The following HOOK2 variants were observed in gnomAD, a reference collection of about 807,000 sequenced individuals.
HOOK2 encodes the protein protein Hook homolog 2.
In HOOK2, 108 loss-of-function variants were observed where a neutral mutation model predicts 111.9. The observed-to-expected ratio is 0.96, with a 90% CI of 0.83 to 1.13. The LOEUF (loss-of-function observed/expected upper bound fraction) is 1.13. Among genes scored for constraint, HOOK2 ranks in the 50% most tolerant of loss-of-function variants. The pLI, the probability that HOOK2 is intolerant of heterozygous loss-of-function variation, is 0.00. For synonymous variants in HOOK2, 405 were observed against 394.3 expected (o/e 1.03, Z -0.32); for missense variants, 978 against 951.3 (o/e 1.03, Z -0.37).
chr19:12,791,515 G>T lies in HOOK2; in HGVS notation n.42-17290C>A. The T allele has an allele frequency of 2.3e-6, 1 of 433,940 alleles. No individual in the cohort carries two copies. Among genetic ancestry groups the T allele is most frequent in the South Asian group, 3.9e-5 (1 of 25,438 alleles). 26.9% of individuals were successfully genotyped at this position (433,940 alleles called of 1,614,324 possible). On this transcript the variant is annotated intron_variant and non_coding_transcript_variant, in intron 3 of 3. Transcript: ENST00000589765. This position sits in a 1 kb window ranked among gnomAD's most constrained non-coding sequence, Gnocchi z 7.0. Reference sequence around the variant, plus strand: ...CCTTGAGAGCGGCCAGGCCAGCCTCGGAGCCAGCAGGGAGCTGGGAGCTGG... The same window carrying T: ...CCTTGAGAGCGGCCAGGCCAGCCTCTGAGCCAGCAGGGAGCTGGGAGCTGG...
At position 12,775,498 on chromosome 19, in the gene HOOK2, AGCCTCC is replaced by A. The variant is rs912502421; in HGVS notation, c.-55_-50del. On this transcript the variant is annotated 5_prime_UTR_variant, in exon 1 of 23. Coordinates refer to ENST00000397668, the MANE Select transcript of HOOK2 (RefSeq NM_013312.3). Reference sequence around the variant, plus strand: ...GGCCACGGAGCCCCGGCGCCGCAGCAGCCTCCGGGTCCGCCACCAGCGAGCGCCCGC... The same window carrying A: ...GGCCACGGAGCCCCGGCGCCGCAGCAGGGTCCGCCACCAGCGAGCGCCCGC... 1.6e-5 allele frequency: 26 copies of A among 1,584,546 alleles called. No homozygotes were observed. The highest frequency in any genetic ancestry group is 2.2e-5 in the Non-Finnish European group (26 of 1,168,254).
upstream of HOOK2, among the ~76,000 whole-genome samples, chr19:12,780,984 T>A (rs563089949): frequency 2.5e-3 from 330 of 132,824 alleles, 1 homozygote; most frequent in African/African-American, 8.4e-3. Flanking sequence ...TCTCAAAAAA[T>A]AATAATAATA....
chr19:12,776,113 G>C (rs1311579385), upstream of HOOK2, among the ~76,000 whole-genome samples: 1 of 150,008 alleles, frequency 6.7e-6, no homozygotes, highest in Non-Finnish European at 1.5e-5. Context: ...TCCTGACCTC[G>C]TGATCCGCCC....
At chr19:12,785,536 C>T (rs779126284) in intron 3 of HOOK2, among the ~76,000 whole-genome samples, 6 of 152,090 alleles carry the variant, frequency 3.9e-5, no homozygotes, top group Non-Finnish European at 8.8e-5. Flanking sequence ...ACAACCTACA[C>T]GTACATACAT....
chr19:12,779,709 C>G (rs1017335924), upstream of HOOK2, among the ~76,000 whole-genome samples: 1 of 151,076 alleles, frequency 6.6e-6, no homozygotes, highest in African/African-American at 2.4e-5. Context: ...TGTGTGTACA[C>G]GGGCATGTGT....
Position 12,769,958 on chromosome 19 carries a change from C to CGGCGTGG in HOOK2, c.1020_1026dup (p.Glu343ProfsTer11), listed in dbSNP as rs1324791970. 6.4e-7 allele frequency: 1 copy of CGGCGTGG among 1,552,836 alleles called. No homozygotes were observed. Among genetic ancestry groups the CGGCGTGG allele is most frequent in the East Asian group, 2.4e-5 (1 of 41,274 alleles). The stretch of plus-strand genomic sequence containing the variant: ...TCATCCTCCAGTTGTCGCGTGCGCT[C>CGGCGTGG]GGCGTGGCCGGCGTTGCGTTCCTCC... On this transcript the variant is annotated frameshift_variant, in exon 11 of 23. Transcript: ENST00000397668. LOFTEE classifies it high-confidence loss of function.
intron 3 of HOOK2, among the ~76,000 whole-genome samples, chr19:12,788,246 T>TTCC (rs1468444619): frequency 6.6e-6 from 1 of 152,148 alleles, no homozygotes; most frequent in Non-Finnish European, 1.5e-5. Context: ...ACCAGACAAG[T>TTCC]TCCTTAATCT....
chr19:12,788,979 T>G (rs1968680591), intron 3 of HOOK2, among the ~76,000 whole-genome samples: 2 of 151,970 alleles, frequency 1.3e-5, no homozygotes, highest in African/African-American at 4.8e-5. Context: ...GCAAGGCCAC[T>G]GCACTGCTGG....
chr19:12,766,223 A>C lies in HOOK2; in HGVS notation c.1391T>G (p.Leu464Arg). ...PAELRETLLR[L>R]QLENKRLCRQ... The stretch of plus-strand genomic sequence containing the variant: ...GCACAGCCGCTTGTTCTCCAGCTGA[A>C]GCCGCAGGAGCGTCTCCCTGCAGAC... The change falls in exon 15 of 23, where the codon CTT (leucine) becomes CGT (arginine). Residue 464 changes from leucine to arginine, a missense_variant. Coordinates refer to ENST00000397668, the MANE Select transcript of HOOK2 (RefSeq NM_013312.3). The C allele has an allele frequency of 6.3e-7, 1 of 1,585,950 alleles. No homozygotes were observed. Among genetic ancestry groups the C allele is most frequent in the South Asian group, 1.1e-5 (1 of 89,488 alleles).
At chr19:12,780,022 C>T (rs1201308759), upstream of HOOK2, among the ~76,000 whole-genome samples, 3 of 152,030 alleles carry the variant, frequency 2.0e-5, no homozygotes, top group Non-Finnish European at 4.4e-5. Context: ...TGGTGGTGAG[C>T]GCCTGTAATC....
intron 3 of HOOK2, among the ~76,000 whole-genome samples, chr19:12,789,071 G>C (rs1053171736): frequency 4.6e-5 from 7 of 152,180 alleles, no homozygotes; most frequent in African/African-American, 1.7e-4. Flanking sequence ...GTGAGATCTA[G>C]GCTGCCCCGG....
Position 12,773,245 on chromosome 19 carries a change from T to G in HOOK2, c.205-201A>C, listed in dbSNP as rs1272282448. The G allele has an allele frequency of 3.3e-5, 19 of 574,916 alleles. No individual in the cohort carries two copies. In the South Asian group the frequency reaches 4.1e-4, roughly 12 times the overall value. The allele number at this position is 574,916 out of a possible 1,614,324, so 35.6% of individuals were successfully genotyped here. A position where few individuals can be genotyped will look rare whatever the true frequency, so the allele number is the denominator to read the frequency against. On this transcript the variant is annotated intron_variant, in intron 3 of 22. Transcript: ENST00000397668. ...CATCTTTGTTTCTTTTTTTTTTTTTTTTTTTTTTTGCTTTAGCTTTTTAAG... is the reference window on the plus strand; with the variant it reads ...CATCTTTGTTTCTTTTTTTTTTTTTGTTTTTTTTTGCTTTAGCTTTTTAAG...
intron 3 of HOOK2, among the ~76,000 whole-genome samples, chr19:12,789,017 T>C (rs949506306): frequency 6.6e-6 from 1 of 152,130 alleles, no homozygotes; most frequent in African/African-American, 2.4e-5. Flanking sequence ...CATAGCTCAG[T>C]TTCTTTTTCG....
At chr19:12,771,346 T>C (rs1171105853) in intron 8 of HOOK2, 27 bp from the exon 9 acceptor site, 1 of 1,607,116 alleles carries the variant, frequency 6.2e-7, no homozygotes, top group Non-Finnish European at 8.5e-7. Context: ...AAGATGAGCT[T>C]GGGCTTGGAG....
rs1340378420 is a variant in HOOK2, at chr19:12,767,386, C to A, written c.1373+9G>T. ...GGTGGGGCCAGAGTTTTGAGTGACC[C>A]CAGGATACCTGAGCTCCGCAGGCAG... On this transcript the variant is annotated intron_variant, in intron 14 of 22. Transcript: ENST00000397668. 1 of 1,613,162 alleles carries A rather than the reference C, an allele frequency of 6.2e-7. No individual in the cohort carries two copies. Among genetic ancestry groups the A allele is most frequent in the African/African-American group, 1.3e-5 (1 of 74,876 alleles).
Position 12,790,459 on chromosome 19 carries a change from G to A in HOOK2, n.42-16234C>T, listed in dbSNP as rs1968701291. ...CGACACGGTGTTGGGCAAAGCCCAG[G>A]GTCAATAGGGGAGGGTTTTAGGATG... On this transcript the variant is annotated intron_variant and non_coding_transcript_variant, in intron 3 of 3. Transcript: ENST00000589765. The surrounding 1 kb of genome is among the most constrained non-coding windows in gnomAD (Gnocchi z 7.2). Among the ~76,000 whole-genome samples the A allele has an allele frequency of 6.6e-6, 1 of 152,230 alleles. No homozygotes were observed. The highest frequency in any genetic ancestry group is 6.5e-5 in the Admixed American group (1 of 15,286).
At position 12,766,153 on chromosome 19, in the gene HOOK2, G is replaced by A; in HGVS notation, c.1461C>T (p.Arg487=). The change falls in exon 15 of 23, where the codon CGC becomes CGT. Residue 487 remains arginine, a synonymous_variant. Transcript: ENST00000397668. ...GCGCGCGGTTGGCATCCTCCAGGTG[G>A]CGCTGCAGCTCCTCCTGCCGCTCCC... is the stretch of plus-strand genomic sequence containing the variant. ...ADRERQEELQ[R]HLEDANRARH... 6.3e-7 allele frequency: 1 copy of A among 1,599,954 alleles called. No individual in the cohort carries two copies. The highest frequency in any genetic ancestry group is 8.5e-7 in the Non-Finnish European group (1 of 1,179,026).
upstream of HOOK2, among the ~76,000 whole-genome samples, chr19:12,776,001 C>G (rs1481879546): frequency 3.4e-5 from 5 of 148,880 alleles, no homozygotes; most frequent in African/African-American, 1.3e-4. Context: ...CCTCAGCCTC[C>G]CGAGTAGCTG....
At position 12,765,031 on chromosome 19, in the gene HOOK2, A is replaced by G. The variant is rs1343833622; in HGVS notation, c.1691T>C (p.Ile564Thr). ...DLELQRKREY[I>T]EELEPPTDSS... ...GTCAGTGGGTGGCTCCAGCTCCTCA[A>G]TGTACTCCCGCTTCCTCTGCAACTC... Residue 564 changes from isoleucine (I) to threonine (T), a missense_variant, in exon 19 of 23, where the codon ATT (isoleucine) becomes ACT (threonine). Coordinates refer to ENST00000397668, the MANE Select transcript of HOOK2 (RefSeq NM_013312.3). 1.2e-6 allele frequency: 2 copies of G among 1,613,936 alleles called. No homozygotes were observed. The highest frequency in any genetic ancestry group is 1.7e-6 in the Non-Finnish European group (2 of 1,179,998).
Sources: allele counts gnomAD v4.1 joint callset (sites outside exome capture counted in the v4.1 genomes callset), GRCh38; gene constraint gnomAD v4.1.1; non-coding constraint Gnocchi (gnomAD v3.1); transcripts MANE v1.5; gene names NCBI Gene and HGNC (gene_info 2026-07-23, HGNC 2026-07-21).